FNDC1: variants seen among roughly 807,000 people sequenced by gnomAD.
FNDC1 encodes the protein fibronectin type III domain-containing protein 1.
In FNDC1, 96 loss-of-function variants were observed where a neutral mutation model predicts 168.0. That is an observed-to-expected ratio of 0.57 (90% CI 0.48 to 0.68). FNDC1 has a LOEUF of 0.68. FNDC1 is among the 30% of genes least tolerant of loss of function. FNDC1 has a pLI of 0.00. For missense variants in FNDC1, 2,587 were observed against 2,482.1 expected (o/e 1.04, Z -0.90); for synonymous variants, 1,099 against 1,025.9 (o/e 1.07, Z -1.36).
In FNDC1 at chr6:159,169,889, C is replaced by T. The variant is rs986440426; in HGVS notation, c.109+184C>T. On this transcript the variant is annotated intron_variant, in intron 1 of 22. Coordinates refer to ENST00000297267, the MANE Select transcript of FNDC1 (RefSeq NM_032532.3). This position sits in a 1 kb window ranked among gnomAD's most constrained non-coding sequence, Gnocchi z 6.8. Reference sequence around the variant, plus strand: ...GCGGGAGCGGGGACGCCTCGGTGCCCGGGGACCGCAGCGCGCTGGCGTTTA... The same window carrying T: ...GCGGGAGCGGGGACGCCTCGGTGCCTGGGGACCGCAGCGCGCTGGCGTTTA... The T allele has an allele frequency of 1.3e-5, 3 of 236,722 alleles. No homozygotes were observed. The highest frequency in any genetic ancestry group is 2.4e-5 in the Non-Finnish European group (3 of 124,638). 14.7% of individuals were successfully genotyped at this position (236,722 alleles called of 1,614,324 possible).
chr6:159,224,377 A>G (rs1177489498), intron 7 of FNDC1, among the ~76,000 whole-genome samples: 1 of 152,232 alleles, frequency 6.6e-6, no homozygotes, highest in Non-Finnish European at 1.5e-5. Context: ...ACCAAGAGAA[A>G]GCCACAGATG....
At position 159,210,009 on chromosome 6, in the gene FNDC1, A is replaced by G. The variant is rs570356919; in HGVS notation, c.461-4936A>G. On this transcript the variant is annotated intron_variant, in intron 4 of 22. Coordinates refer to ENST00000297267, the MANE Select transcript of FNDC1 (RefSeq NM_032532.3). ...ACTAGACACTTACACATTTAAGAGG[A>G]ATAGTGCACTGAGCAGATCTTGATG... 9.8e-5 allele frequency among the ~76,000 whole-genome samples: 15 copies of G among 152,320 alleles called. No individual in the cohort carries two copies. In the South Asian group the frequency reaches 3.1e-3, roughly 32 times the overall value.
rs1351338612 is a variant in FNDC1 at position 159,265,022 on chromosome 6, A to G, written c.5284+18A>G. On this transcript the variant is annotated intron_variant, in intron 20 of 22. Coordinates refer to ENST00000297267, the MANE Select transcript of FNDC1 (RefSeq NM_032532.3). ...GCCCCCAGGTAAGTTTATGTTCTTG[A>G]TAATCTGGACATTCTGGTAATCAAG... 2 of 1,594,060 alleles carry G rather than the reference A, an allele frequency of 1.3e-6. No homozygotes were observed. The highest frequency in any genetic ancestry group is 1.7e-6 in the Non-Finnish European group (2 of 1,165,630).
At chr6:159,182,721 C>CAATTGAAT (rs1417959337) in intron 1 of FNDC1, among the ~76,000 whole-genome samples, 1 of 152,142 alleles carries the variant, frequency 6.6e-6, no homozygotes, top group Non-Finnish European at 1.5e-5. Context: ...CTATGTCACC[C>CAATTGAAT]AATTGAATAG....
Position 159,169,677 on chromosome 6 carries a change from C to A in FNDC1, c.81C>A (p.Leu27=). 8.6e-7 allele frequency: 1 copy of A among 1,163,100 alleles called. No homozygotes were observed. Among genetic ancestry groups the A allele is most frequent in the South Asian group, 4.2e-5 (1 of 23,774 alleles). 72.0% of individuals were successfully genotyped at this position (1,163,100 alleles called of 1,614,324 possible). The change falls in exon 1 of 23, where the codon CTC becomes CTA. Residue 27 remains leucine, a synonymous_variant. Coordinates refer to ENST00000297267, the MANE Select transcript of FNDC1 (RefSeq NM_032532.3). The surrounding 1 kb of genome is among the most constrained non-coding windows in gnomAD (Gnocchi z 6.8). ...WAALLLLAAL[L]PVASSAAASV... The stretch of plus-strand genomic sequence containing the variant: ...CGCTGCTGCTCTTGGCCGCGCTGCT[C>A]CCCGTCGCCTCCTCGGCGGCGGCCT...
chr6:159,206,820 C>A (rs530404155), intron 4 of FNDC1, among the ~76,000 whole-genome samples: 22 of 152,304 alleles, frequency 1.4e-4, no homozygotes, highest in Non-Finnish European at 2.2e-4. Flanking sequence ...GGTGTTTGCA[C>A]AGCCAGATCC....
intron 1 of FNDC1, among the ~76,000 whole-genome samples, chr6:159,190,488 A>G (rs1457422641): frequency 6.6e-6 from 1 of 152,164 alleles, no homozygotes; most frequent in Non-Finnish European, 1.5e-5. Context: ...TCATGGGGTG[A>G]GGTCTAGGCC....
chr6:159,267,850 T>C lies in FNDC1; in HGVS notation c.5493T>C (p.His1831=), dbSNP rs1583927075. ...IGDSWGRGED[H]CQFVDSHLDG... ...ACAGCTGGGGAAGAGGTGAAGACCA[T>C]TGCCAATTTGTGGATTCACACCTTG... The change falls in exon 22 of 23, where the codon CAT becomes CAC. Residue 1831 remains histidine, a synonymous_variant. Transcript: ENST00000297267. 3.1e-6 allele frequency: 5 copies of C among 1,613,712 alleles called. No homozygotes were observed. Among genetic ancestry groups the C allele is most frequent in the Non-Finnish European group, 4.2e-6 (5 of 1,179,768 alleles).
rs551901071 is a variant in FNDC1, at chr6:159,186,446, C to A, written c.110-10985C>A. On this transcript the variant is annotated intron_variant, in intron 1 of 22. Transcript: ENST00000297267. ...AGTTTGCCCTCATCGTGCAATGGTG[C>A]AGGTGAACTTGGCTGGAGGTTGGGA... 2.0e-5 allele frequency among the ~76,000 whole-genome samples: 3 copies of A among 152,208 alleles called. No individual in the cohort carries two copies. In the South Asian group the frequency reaches 6.2e-4, roughly 32 times the overall value.
intron 4 of FNDC1, among the ~76,000 whole-genome samples, chr6:159,207,297 G>A (rs889067529): frequency 1.3e-5 from 2 of 152,166 alleles, no homozygotes; most frequent in African/African-American, 2.4e-5. Context: ...GCTGATGAGC[G>A]ACTGTTCCGA....
At chr6:159,209,559 A>G (rs1306824889) in intron 4 of FNDC1, among the ~76,000 whole-genome samples, 1 of 152,190 alleles carries the variant, frequency 6.6e-6, no homozygotes, top group East Asian at 1.9e-4. Flanking sequence ...TGATTTGATG[A>G]CACCCAGGAT....
chr6:159,233,715 T>C lies in FNDC1; in HGVS notation c.3203T>C (p.Leu1068Pro). The part of the protein sequence containing the change: ...ASSRGMLPTA[L>P]QNQDEDAQGS... ...TCCAGAGGGATGCTCCCCACGGCCCTCCAGAACCAGGACGAGGATGCCCAG... is the reference window on the plus strand; with the variant it reads ...TCCAGAGGGATGCTCCCCACGGCCCCCCAGAACCAGGACGAGGATGCCCAG... The change falls in exon 11 of 23, where the codon CTC becomes CCC. Residue 1068 changes from leucine to proline, a missense_variant. Leu to Pro is a moderately conservative substitution (Grantham distance 98, BLOSUM62 -3). Coordinates refer to ENST00000297267, the MANE Select transcript of FNDC1 (RefSeq NM_032532.3). This position sits in a 1 kb window ranked among gnomAD's most constrained non-coding sequence, Gnocchi z 4.6. 1 of 1,549,706 alleles carries C rather than the reference T, an allele frequency of 6.5e-7. No homozygotes were observed. Among genetic ancestry groups the C allele is most frequent in the Non-Finnish European group, 8.7e-7 (1 of 1,146,770 alleles).
intron 1 of FNDC1, among the ~76,000 whole-genome samples, chr6:159,170,368 C>G (rs1217228701): frequency 6.6e-6 from 1 of 152,200 alleles, no homozygotes; most frequent in Non-Finnish European, 1.5e-5. Context: ...TCGCCCTTCC[C>G]CAATGGCTGA....
At position 159,229,991 on chromosome 6, in the gene FNDC1, G is replaced by A. The variant is rs762540669; in HGVS notation, c.1357G>A (p.Ala453Thr). Residue 453 changes from alanine (A) to threonine (T), a missense_variant, in exon 10 of 23, where the codon GCT becomes ACT. Ala to Thr is a moderately conservative substitution (Grantham distance 58). Transcript: ENST00000297267. The stretch of plus-strand genomic sequence containing the variant: ...ACCTCACTCCAAAGCCTTCATTGTC[G>A]CTATGCCAACAAGTAAGCATTATGT... ...LGPHSKAFIV[A>T]MPTTSKADVE... 6 of 1,613,076 alleles carry A rather than the reference G, an allele frequency of 3.7e-6. No homozygotes were observed. The highest frequency in any genetic ancestry group is 1.7e-5 in the Admixed American group (1 of 59,930).
At chr6:159,244,634 A>G (rs946429395) in intron 14 of FNDC1, among the ~76,000 whole-genome samples, 1 of 152,218 alleles carries the variant, frequency 6.6e-6, no homozygotes, top group Non-Finnish European at 1.5e-5. Flanking sequence ...TTCTACTTCA[A>G]TTTCCCCTTA....
At chr6:159,255,924 A>C (rs944810565) in intron 17 of FNDC1, among the ~76,000 whole-genome samples, 1 of 152,172 alleles carries the variant, frequency 6.6e-6, no homozygotes, top group Non-Finnish European at 1.5e-5. Context: ...GTCTGTTATT[A>C]GCAAATAAGA....
chr6:159,247,767 T>A (rs1777168801), intron 15 of FNDC1, among the ~76,000 whole-genome samples: 2 of 152,078 alleles, frequency 1.3e-5, no homozygotes, highest in African/African-American at 4.8e-5. Flanking sequence ...TTTTTTAAGG[T>A]TAAGAATACA....
rs145178124 is a variant in FNDC1 at position 159,244,214 on chromosome 6, C to T, written c.4622-2687C>T. Among the ~76,000 whole-genome samples the T allele has an allele frequency of 2.0e-4, 30 of 152,258 alleles. No individual in the cohort carries two copies. In the East Asian group the frequency reaches 5.6e-3, roughly 28 times the overall value. ...GGCCAGGAAACAATGGCAAGATAAT[C>T]CCAAAGTTTACAGGGTGTGAACCTG... On this transcript the variant is annotated intron_variant, in intron 14 of 22. Transcript: ENST00000297267.
intron 5 of FNDC1, 57 bp from the exon 6 acceptor site, chr6:159,221,541 A>C: frequency 2.2e-6 from 3 of 1,355,020 alleles, no homozygotes; most frequent in Non-Finnish European, 3.2e-6. Context: ...GCCCCAGGGG[A>C]TGTGTGTTCC....
Sources: allele counts gnomAD v4.1 joint callset (sites outside exome capture counted in the v4.1 genomes callset), GRCh38; gene constraint gnomAD v4.1.1; non-coding constraint Gnocchi (gnomAD v3.1); transcripts MANE v1.5; gene names NCBI Gene and HGNC (gene_info 2026-07-23, HGNC 2026-07-21).